GCNT2: variants seen among roughly 807,000 people sequenced by gnomAD.
GCNT2 encodes glucosaminyl (N-acetyl) transferase 2 (I blood group), also known as N-acetyllactosaminide beta-1,6-N-acetylglucosaminyl-transferase.
A neutral mutation model predicts 34.2 loss-of-function variants in GCNT2; 34 were observed. The ratio of observed to expected loss-of-function variants is 1.00; its 90% CI spans 0.76 to 1.32. The LOEUF is 1.32. Ranked by LOEUF, GCNT2 falls within the 40% of genes most tolerant of loss-of-function variation. GCNT2 has a pLI of 0.00. For synonymous variants in GCNT2, 212 were observed against 188.0 expected (o/e 1.13, Z -1.04); for missense variants, 584 against 489.4 (o/e 1.19, Z -1.82).
intron 3 of GCNT2, among the ~76,000 whole-genome samples, chr6:10,539,286 T>C (rs1172272416): frequency 1.4e-5 from 2 of 144,606 alleles, no homozygotes; most frequent in East Asian, 4.2e-4. Flanking sequence ...GCCTCCTGGG[T>C]TCAAGCGATT....
chr6:10,601,821 G>A lies in GCNT2; in HGVS notation c.926-19530G>A, dbSNP rs191848979. 7.5e-3 allele frequency among the ~76,000 whole-genome samples: 1,137 copies of A among 151,758 alleles called. 14 individuals are homozygous for A. Among genetic ancestry groups the A allele is most frequent in the African/African-American group, 0.026 (1,058 of 41,352 alleles). On this transcript the variant is annotated intron_variant, in intron 3 of 4. Transcript: ENST00000495262. ...CCGGGCGTGGTGGCGGGTGCCTGTA[G>A]TCCCAGCTACTCAGGAGGCTGAGGC...
intron 3 of GCNT2, among the ~76,000 whole-genome samples, chr6:10,565,815 G>T (rs2127390537): frequency 6.6e-6 from 1 of 151,982 alleles, no homozygotes; most frequent in South Asian, 2.1e-4. Context: ...TCTTAAAGTT[G>T]TATAATTTCT....
At chr6:10,559,791 C>T (rs1212205600) in intron 3 of GCNT2, among the ~76,000 whole-genome samples, 1 of 152,242 alleles carries the variant, frequency 6.6e-6, no homozygotes, top group African/African-American at 2.4e-5. Context: ...TTCAGGATAA[C>T]GTGCCATGTC....
At chr6:10,582,978 GTAACT>G (rs1764186953) in intron 3 of GCNT2, among the ~76,000 whole-genome samples, 1 of 152,124 alleles carries the variant, frequency 6.6e-6, no homozygotes, top group East Asian at 1.9e-4. Flanking sequence ...AAGAGGTTAA[GTAACT>G]TTACCCAGGC....
rs139250395 is a variant in GCNT2 at position 10,593,776 on chromosome 6, G to A, written c.926-27575G>A. On this transcript the variant is annotated intron_variant, in intron 3 of 4. Coordinates refer to ENST00000495262, the MANE Select transcript of GCNT2 (RefSeq NM_145649.5). Reference sequence around the variant, plus strand: ...GTACAATGATCAATATATACTCGACGTCTAAATTATCTCTTGAAAATACAT... The same window carrying A: ...GTACAATGATCAATATATACTCGACATCTAAATTATCTCTTGAAAATACAT... Among the ~76,000 whole-genome samples the A allele has an allele frequency of 5.1e-4, 78 of 152,178 alleles. No homozygotes were observed. In the East Asian group the frequency reaches 0.011, roughly 22 times the overall value.
At chr6:10,526,573 C>T (rs938996791) in intron 1 of GCNT2, among the ~76,000 whole-genome samples, 1 of 149,668 alleles carries the variant, frequency 6.7e-6, no homozygotes, top group Non-Finnish European at 1.5e-5. Flanking sequence ...TTCCTGCGTT[C>T]TTTTTTTTTT....
chr6:10,530,404 TTAA>T (rs1437765680), intron 3 of GCNT2: 1 of 152,612 alleles, frequency 6.6e-6, no homozygotes, highest in African/African-American at 2.4e-5. Flanking sequence ...TTATTCTCCT[TTAA>T]GCGCAACGCA....
At chr6:10,535,569 T>TA (rs1761715701) in intron 3 of GCNT2, among the ~76,000 whole-genome samples, 1 of 152,240 alleles carries the variant, frequency 6.6e-6, no homozygotes, top group Admixed American at 6.5e-5. Flanking sequence ...GCTCTGCCTG[T>TA]AATAGGGACA....
chr6:10,527,655 GGA>G lies in GCNT2; in HGVS notation c.-283_-282del, dbSNP rs1195833104. 1 of 152,168 alleles carries G rather than the reference GGA, an allele frequency of 6.6e-6. No individual in the cohort carries two copies. Among genetic ancestry groups the G allele is most frequent in the African/African-American group, 2.4e-5 (1 of 41,422 alleles). 9.4% of individuals were successfully genotyped at this position (152,168 alleles called of 1,614,324 possible). Reference sequence around the variant, plus strand: ...AAGGGAAGAGTAAGAAGATTTCAAAGGAGAGGTAATTGTGTCATTTATTAGAA... The same window carrying G: ...AAGGGAAGAGTAAGAAGATTTCAAAGGAGGTAATTGTGTCATTTATTAGAA... On this transcript the variant is annotated 5_prime_UTR_variant, in exon 2 of 5. Coordinates refer to ENST00000495262, the MANE Select transcript of GCNT2 (RefSeq NM_145649.5).
chr6:10,609,273 G>A lies in GCNT2; in HGVS notation c.926-12078G>A, dbSNP rs569004526. Among the ~76,000 whole-genome samples the A allele has an allele frequency of 7.2e-5, 11 of 152,270 alleles. No homozygotes were observed. In the South Asian group the frequency reaches 1.0e-3, roughly 14 times the overall value. ...CACAGCAGTGGCATCTGGTGAAGGC[G>A]TTCATGCTGCATCATCTCATGGCAT... On this transcript the variant is annotated intron_variant, in intron 3 of 4. Coordinates refer to ENST00000495262, the MANE Select transcript of GCNT2 (RefSeq NM_145649.5).
chr6:10,623,942 T>G (rs1706426701), intron 4 of GCNT2, among the ~76,000 whole-genome samples: 1 of 152,292 alleles, frequency 6.6e-6, no homozygotes, highest in East Asian at 1.9e-4. Flanking sequence ...TTTTGGTCCT[T>G]TTGCCATTTT....
At chr6:10,536,523 T>G (rs968123844) in intron 3 of GCNT2, among the ~76,000 whole-genome samples, 3 of 150,896 alleles carry the variant, frequency 2.0e-5, no homozygotes, top group Non-Finnish European at 4.4e-5. Flanking sequence ...CCCGGCTAAT[T>G]TTTTGTATAT....
At position 10,562,673 on chromosome 6, in the gene GCNT2, A is replaced by AC. The variant is rs562277099; in HGVS notation, c.925+32837_925+32838insC. Among the ~76,000 whole-genome samples, 86 of 151,244 alleles carry AC rather than the reference A, an allele frequency of 5.7e-4. 1 individual carries two copies. The South Asian group carries it at 0.015, about 26-fold the overall frequency. On this transcript the variant is annotated intron_variant, in intron 3 of 4. Transcript: ENST00000495262. ...ACTTCTCTGAAAAAAAAAAAAAAAA[A>AC]AAAACAAAAAAAAACCCACAAAAAC...
chr6:10,530,797 G>A (rs1761450815), intron 3 of GCNT2, among the ~76,000 whole-genome samples: 1 of 152,158 alleles, frequency 6.6e-6, no homozygotes, highest in Admixed American at 6.5e-5. Flanking sequence ...GCTCACACCT[G>A]TAATCCCAGC....
chr6:10,589,439 T>C (rs542402328), intron 3 of GCNT2, among the ~76,000 whole-genome samples: 3 of 151,526 alleles, frequency 2.0e-5, no homozygotes, highest in Non-Finnish European at 4.4e-5. Flanking sequence ...TGCGTGTCTG[T>C]GTAGACAGCA....
At chr6:10,539,216 T>C (rs1761926104) in intron 3 of GCNT2, among the ~76,000 whole-genome samples, 1 of 105,706 alleles carries the variant, frequency 9.5e-6, no homozygotes, top group African/African-American at 3.7e-5. Flanking sequence ...TGAGGCAGAG[T>C]TTCACCCTTG....
chr6:10,577,899 AG>A lies in GCNT2; in HGVS notation c.926-43450del, dbSNP rs766149121. On this transcript the variant is annotated intron_variant, in intron 3 of 4. Transcript: ENST00000495262. ...TGTTTTTGAACTTCGTGGTGGTAGG[AG>A]GTGCACCTTAAAATCAGCGCTTTGC... Among the ~76,000 whole-genome samples the A allele has an allele frequency of 5.9e-5, 9 of 152,252 alleles. No homozygotes were observed. The East Asian group carries it at 1.7e-3, about 29-fold the overall frequency.
chr6:10,528,876 C>T lies in GCNT2; in HGVS notation c.-36C>T. The stretch of plus-strand genomic sequence containing the variant: ...ATATATCTACACTCTGATCCTATCT[C>T]AAGAGAGAGATATTTTACTCATTTC... On this transcript the variant is annotated 5_prime_UTR_variant, in exon 3 of 5. Transcript: ENST00000495262. 1 of 1,497,858 alleles carries T rather than the reference C, an allele frequency of 6.7e-7. No homozygotes were observed. Among genetic ancestry groups the T allele is most frequent in the Non-Finnish European group, 9.3e-7 (1 of 1,074,826 alleles). 92.8% of individuals were successfully genotyped at this position (1,497,858 alleles called of 1,614,324 possible). A position where few individuals can be genotyped will look rare whatever the true frequency, so the allele number is the denominator to read the frequency against.
At chr6:10,524,433 G>GTA (rs1472067021) in intron 1 of GCNT2, among the ~76,000 whole-genome samples, 4 of 151,960 alleles carry the variant, frequency 2.6e-5, no homozygotes, top group African/African-American at 9.7e-5. Context: ...TGTATTTTCA[G>GTA]TAGAGACAGG....
Sources: gnomAD v4.1 joint callset for allele counts (sites outside exome capture counted in the v4.1 genomes callset) on GRCh38, gnomAD v4.1.1 for gene constraint, MANE v1.5 for transcripts, NCBI Gene and HGNC (gene_info 2026-07-23, HGNC 2026-07-21) for gene names.